Variants in RARS2 observed in about 807,000 individuals in gnomAD.
RARS2 encodes the protein arginyl-tRNA synthetase 2, mitochondrial, also known as probable arginine--tRNA ligase, mitochondrial.
Under a neutral mutation model 88.5 loss-of-function variants are expected in RARS2, and 67 were observed. The observed-to-expected ratio is 0.76, with a 90% CI of 0.62 to 0.93. RARS2 has a LOEUF of 0.93. RARS2 is among the 40% of genes least tolerant of loss of function. The pLI is 0.00. For missense variants in RARS2, 664 were observed against 684.2 expected (o/e 0.97, Z 0.33); for synonymous variants, 239 against 230.3 (o/e 1.04, Z -0.34).
chr6:87,542,126 A>G, intron 7 of RARS2, 132 bp from the exon 8 acceptor site: 2 of 691,328 alleles, frequency 2.9e-6, no homozygotes, highest in East Asian at 2.8e-5. Context: ...TACAAAACAC[A>G]CTTTTACCTT....
rs184833545 is a variant in RARS2, at chr6:87,567,832, C to A, written c.110+1685G>T. ...TGTCACCCAGGCTGGAGTGCAGTGG[C>A]GAGATCTCGGCTCACTCTAACCTCC... On this transcript the variant is annotated intron_variant, in intron 2 of 19. Coordinates refer to ENST00000369536, the MANE Select transcript of RARS2 (RefSeq NM_020320.5). Among the ~76,000 whole-genome samples the A allele has an allele frequency of 5.3e-4, 81 of 152,222 alleles. No homozygotes were observed. In the East Asian group the frequency reaches 0.014, roughly 27 times the overall value.
chr6:87,550,690 C>A, intron 5 of RARS2, among the ~76,000 whole-genome samples: 1 of 146,636 alleles, frequency 6.8e-6, no homozygotes, highest in African/African-American at 2.5e-5. Flanking sequence ...GTACTTATCC[C>A]TCAATGAAGC....
intron 1 of RARS2, chr6:87,589,667 T>C (rs1162221509): frequency 1.0e-6 from 1 of 984,692 alleles, no homozygotes; most frequent in Non-Finnish European, 1.2e-6. Context: ...TTCATAGCTG[T>C]GGGGTGGGAA....
At chr6:87,585,182 A>G (rs992806168) in intron 1 of RARS2, among the ~76,000 whole-genome samples, 3 of 152,212 alleles carry the variant, frequency 2.0e-5, no homozygotes, top group Non-Finnish European at 2.9e-5. Context: ...TGCATATTTT[A>G]TATGAGATCA....
chr6:87,569,633 A>G, intron 1 of RARS2, 43 bp from the exon 2 acceptor site: 1 of 1,458,084 alleles, frequency 6.9e-7, no homozygotes, highest in Non-Finnish European at 9.6e-7. Flanking sequence ...TTGTTCACAT[A>G]TTTGTTCCAT....
At chr6:87,532,263 A>G (rs568412444) in intron 8 of RARS2, among the ~76,000 whole-genome samples, 1 of 152,248 alleles carries the variant, frequency 6.6e-6, no homozygotes, top group East Asian at 1.9e-4. Context: ...TGATACTGTT[A>G]TATTTAAAAC....
chr6:87,550,697 A>C (rs891820300), intron 5 of RARS2, among the ~76,000 whole-genome samples: 2 of 147,222 alleles, frequency 1.4e-5, no homozygotes, highest in Non-Finnish European at 3.0e-5. Flanking sequence ...TCCCTCAATG[A>C]AGCCGATTTA....
chr6:87,565,456 A>T (rs1767584593), intron 2 of RARS2, among the ~76,000 whole-genome samples: 1 of 152,252 alleles, frequency 6.6e-6, no homozygotes. Context: ...TTGCATCATG[A>T]GATCAGTTCT....
chr6:87,584,683 G>C (rs766397216), intron 1 of RARS2: 2 of 467,160 alleles, frequency 4.3e-6, no homozygotes, highest in South Asian at 3.1e-5. Flanking sequence ...GATGCTGAGA[G>C]ACTGAAGAAA....
chr6:87,538,155 T>C lies in RARS2; in HGVS notation c.612+3763A>G, dbSNP rs181154601. 8.5e-5 allele frequency among the ~76,000 whole-genome samples: 13 copies of C among 152,358 alleles called. No homozygotes were observed. The East Asian group carries it at 2.3e-3, about 27-fold the overall frequency. ...TATAATAACCTGTAGGCTGCCATTTTAGGCTTTGCATATTTTCTGTCCTGC... is the reference window on the plus strand; with the variant it reads ...TATAATAACCTGTAGGCTGCCATTTCAGGCTTTGCATATTTTCTGTCCTGC... On this transcript the variant is annotated intron_variant, in intron 8 of 19. Coordinates refer to ENST00000369536, the MANE Select transcript of RARS2 (RefSeq NM_020320.5).
In RARS2 at chr6:87,516,799, A is replaced by C. The variant is rs1290192952; in HGVS notation, c.1586+7T>G. ...TAACACCTGAAAACAGGAAGATTAT[A>C]AAGTACCTTAAAGTTAGAAGGTAAC... On this transcript the variant is annotated splice_region_variant and intron_variant, in intron 18 of 19. Coordinates refer to ENST00000369536, the MANE Select transcript of RARS2 (RefSeq NM_020320.5). The C allele has an allele frequency of 6.2e-7, 1 of 1,613,220 alleles. No individual in the cohort carries two copies.
chr6:87,523,664 A>C (rs965592852), intron 11 of RARS2, among the ~76,000 whole-genome samples: 3 of 152,176 alleles, frequency 2.0e-5, no homozygotes, highest in African/African-American at 7.2e-5. Flanking sequence ...TCCAAAGAAA[A>C]ATATAGGTGT....
intron 19 of RARS2, 99 bp downstream of exon 19, chr6:87,514,858 G>GAAC (rs1449909240): frequency 2.1e-6 from 2 of 973,186 alleles, no homozygotes; most frequent in African/African-American, 3.2e-5. Context: ...TGCTACAGTT[G>GAAC]AACAACAGAA....
Position 87,589,911 on chromosome 6 carries a change from G to T in RARS2, c.36+11C>A. ...CCTCAGGGACTCCTCTGCGCGCTCC[G>T]GGATCCATACCTGGCAAGCAATAGC... On this transcript the variant is annotated intron_variant, in intron 1 of 19. Coordinates refer to ENST00000369536, the MANE Select transcript of RARS2 (RefSeq NM_020320.5). The T allele has an allele frequency of 6.2e-7, 1 of 1,614,238 alleles. No individual in the cohort carries two copies. The highest frequency in any genetic ancestry group is 8.5e-7 in the Non-Finnish European group (1 of 1,180,046).
intron 11 of RARS2, 99 bp from the exon 12 acceptor site, chr6:87,521,623 T>G (rs541230140): frequency 2.5e-5 from 22 of 878,264 alleles, no homozygotes; most frequent in Non-Finnish European, 4.0e-5. Flanking sequence ...AATTAAGAAT[T>G]TAAATTATAC....
intron 5 of RARS2, among the ~76,000 whole-genome samples, chr6:87,551,364 G>A (rs987077447): frequency 2.7e-4 from 41 of 152,002 alleles, no homozygotes; most frequent in African/African-American, 8.7e-4. Flanking sequence ...GGTCGCTCAC[G>A]TCTATAATAC....
Position 87,548,510 on chromosome 6 carries a change from T to G in RARS2, c.451+81A>C, listed in dbSNP as rs372189039. Reference sequence around the variant, plus strand: ...TTTTGTTTTTTGCTATTTTGTTATTTAAGCATTAAAACATTAAATTGAACT... The same window carrying G: ...TTTTGTTTTTTGCTATTTTGTTATTGAAGCATTAAAACATTAAATTGAACT... On this transcript the variant is annotated intron_variant, in intron 6 of 19. Transcript: ENST00000369536. The G allele has an allele frequency of 8.1e-6, 11 of 1,365,940 alleles. No individual in the cohort carries two copies. In the African/African-American group the frequency reaches 1.2e-4, roughly 14 times the overall value. 84.6% of individuals were successfully genotyped at this position (1,365,940 alleles called of 1,614,324 possible).
chr6:87,580,593 A>AC (rs926309341), intron 1 of RARS2, among the ~76,000 whole-genome samples: 1 of 147,452 alleles, frequency 6.8e-6, no homozygotes, highest in Non-Finnish European at 1.5e-5. Context: ...CCCTGTCTCA[A>AC]AAAAAAAAAA....
intron 1 of RARS2, among the ~76,000 whole-genome samples, chr6:87,585,000 T>G (rs72922577): frequency 0.096 from 14,657 of 152,154 alleles, 762 homozygotes; most frequent in East Asian, 0.15. Context: ...AAAATAGAAA[T>G]CCTGCCCTTA....
Sources: allele counts gnomAD v4.1 joint callset (sites outside exome capture counted in the v4.1 genomes callset), GRCh38; gene constraint gnomAD v4.1.1; transcripts MANE v1.5; gene names NCBI Gene and HGNC (gene_info 2026-07-23, HGNC 2026-07-21).